RBM17: variants seen among roughly 807,000 people sequenced by gnomAD.
RBM17 encodes the protein splicing factor 45.
In RBM17, 7 loss-of-function variants were observed where a neutral mutation model predicts 53.2. That is an observed-to-expected ratio of 0.13 (90% CI 0.07 to 0.25). The LOEUF is 0.25. Ranked by LOEUF, RBM17 falls within the 10% of genes least tolerant of loss-of-function variation. The pLI is 1.00. For missense variants in RBM17, 257 were observed against 496.7 expected, an observed-to-expected ratio of 0.52 and a Z score of 4.59; for synonymous variants, 167 against 178.1, an observed-to-expected ratio of 0.94 and a Z score of 0.50.
At chr10:6,101,604 C>G (rs373359355) in intron 3 of RBM17, among the ~76,000 whole-genome samples, 1 of 152,154 alleles carries the variant, frequency 6.6e-6, no homozygotes, top group East Asian at 1.9e-4. Context: ...ACTAGAGATA[C>G]GCAGAAAGAA....
rs1259597826 is a variant in RBM17, at chr10:6,116,244, C to CAAGCATAGT, written c.*689_*697dup. 6.6e-6 allele frequency: 1 copy of CAAGCATAGT among 152,292 alleles called. No individual in the cohort carries two copies. Among genetic ancestry groups the CAAGCATAGT allele is most frequent in the African/African-American group, 2.4e-5 (1 of 41,422 alleles). The allele number at this position is 152,292 out of a possible 1,614,324, so 9.4% of individuals were successfully genotyped here. A position where few individuals can be genotyped will look rare whatever the true frequency, so the allele number is the denominator to read the frequency against. On this transcript the variant is annotated 3_prime_UTR_variant, in exon 12 of 12. Coordinates refer to ENST00000379888, the MANE Select transcript of RBM17 (RefSeq NM_032905.5). ...AATCTAGCATTTGTTTTCAGAGATTCAAGCATAGTCTTAAGGGTAGATCAG... is the reference window on the plus strand; with the variant it reads ...AATCTAGCATTTGTTTTCAGAGATTCAAGCATAGTAAGCATAGTCTTAAGGGTAGATCAG...
intron 8 of RBM17, 122 bp from the exon 9 acceptor site, chr10:6,113,386 A>G: frequency 1.5e-6 from 1 of 684,936 alleles, no homozygotes; most frequent in South Asian, 1.9e-5. Context: ...TGCCTAGGAC[A>G]TAAATGGTGG....
chr10:6,093,955 A>C (rs1337850415), intron 1 of RBM17, among the ~76,000 whole-genome samples: 3 of 151,212 alleles, frequency 2.0e-5, no homozygotes, highest in African/African-American at 7.3e-5. Flanking sequence ...CATCACATGA[A>C]GTCAAGTGTG....
intron 6 of RBM17, among the ~76,000 whole-genome samples, chr10:6,109,694 A>G (rs765686519): frequency 1.4e-4 from 22 of 152,268 alleles, no homozygotes; most frequent in Non-Finnish European, 2.5e-4. Flanking sequence ...TCCGGCAAGA[A>G]TATTCATTCA....
chr10:6,105,369 A>C (rs1840734043), intron 4 of RBM17, among the ~76,000 whole-genome samples: 1 of 152,228 alleles, frequency 6.6e-6, no homozygotes, highest in Admixed American at 6.5e-5. Flanking sequence ...ATTTTTTTCT[A>C]TGCTGATACT....
chr10:6,100,523 A>G (rs1368758519), intron 2 of RBM17, among the ~76,000 whole-genome samples: 5 of 152,230 alleles, frequency 3.3e-5, no homozygotes, highest in South Asian at 2.1e-4. Flanking sequence ...TCTAGAACAA[A>G]CAGCATTTTA....
chr10:6,098,359 G>A (rs1164545404), intron 2 of RBM17, among the ~76,000 whole-genome samples: 1 of 152,036 alleles, frequency 6.6e-6, no homozygotes, highest in African/African-American at 2.4e-5. Flanking sequence ...CTTTAGAGAT[G>A]TGTACTGAAA....
intron 11 of RBM17, 46 bp downstream of exon 11, chr10:6,115,357 C>T (rs750976241): frequency 1.3e-6 from 2 of 1,546,754 alleles, no homozygotes; most frequent in East Asian, 2.2e-5. Flanking sequence ...GTTGAATTTA[C>T]AGCCTTAATC....
chr10:6,091,951 G>A (rs759823277), intron 1 of RBM17, among the ~76,000 whole-genome samples: 38 of 152,232 alleles, frequency 2.5e-4, no homozygotes, highest in Non-Finnish European at 4.6e-4. Context: ...ACTCTTCCAT[G>A]TTCTTTTTCC....
intron 1 of RBM17, among the ~76,000 whole-genome samples, chr10:6,096,549 C>T (rs1196774302): frequency 1.3e-5 from 2 of 152,130 alleles, no homozygotes; most frequent in Non-Finnish European, 2.9e-5. Flanking sequence ...TCTACTCCCC[C>T]CTTGATAATT....
chr10:6,112,533 A>T lies in RBM17; in HGVS notation c.856+172A>T, dbSNP rs935495637. 1 of 707,716 alleles carries T rather than the reference A, an allele frequency of 1.4e-6. No individual in the cohort carries two copies. The highest frequency in any genetic ancestry group is 2.6e-5 in the Admixed American group (1 of 39,112). The allele number at this position is 707,716 out of a possible 1,614,324, so 43.8% of individuals were successfully genotyped here. A position where few individuals can be genotyped will look rare whatever the true frequency, so the allele number is the denominator to read the frequency against. ...ACAGGCCGTCCTGTTCATATGATGC[A>T]CTGCCACTTCCGTTTTGTGAAACCA... On this transcript the variant is annotated intron_variant, in intron 8 of 11. Transcript: ENST00000379888. This position sits in a 1 kb window ranked among gnomAD's most constrained non-coding sequence, Gnocchi z 4.4.
rs540741085 is a variant in RBM17, at chr10:6,116,155, G to T, written c.*599G>T. On this transcript the variant is annotated 3_prime_UTR_variant, in exon 12 of 12. Transcript: ENST00000379888. Reference sequence around the variant, plus strand: ...TGGCCTATTGGATGAATCATTTGCCGTAGGCTAAATCAGACTGTAGGGTTT... The same window carrying T: ...TGGCCTATTGGATGAATCATTTGCCTTAGGCTAAATCAGACTGTAGGGTTT... 1 of 152,336 alleles carries T rather than the reference G, an allele frequency of 6.6e-6. No individual in the cohort carries two copies. The highest frequency in any genetic ancestry group is 1.9e-4 in the East Asian group (1 of 5,336). The allele number at this position is 152,336 out of a possible 1,614,324, so 9.4% of individuals were successfully genotyped here.
At chr10:6,110,552 T>C (rs1368513220) in intron 7 of RBM17, among the ~76,000 whole-genome samples, 1 of 152,212 alleles carries the variant, frequency 6.6e-6, no homozygotes, top group African/African-American at 2.4e-5. Flanking sequence ...CTCGGGGTCA[T>C]TCTAACTACA....
intron 6 of RBM17, among the ~76,000 whole-genome samples, chr10:6,109,763 A>G (rs1840809898): frequency 6.6e-6 from 1 of 152,234 alleles, no homozygotes; most frequent in Admixed American, 6.5e-5. Context: ...GTTTGAGGAG[A>G]TAGAAATAGC....
chr10:6,111,216 T>C (rs1359367959), intron 7 of RBM17, among the ~76,000 whole-genome samples: 1 of 152,210 alleles, frequency 6.6e-6, no homozygotes, highest in Admixed American at 6.5e-5. Context: ...GTCATGGGGT[T>C]GGGGTGCCCT....
At position 6,106,242 on chromosome 10, in the gene RBM17, A is replaced by G. The variant is rs780615231; in HGVS notation, c.505+4A>G. 6.3e-7 allele frequency: 1 copy of G among 1,585,482 alleles called. No individual in the cohort carries two copies. Among genetic ancestry groups the G allele is most frequent in the Non-Finnish European group, 8.7e-7 (1 of 1,154,540 alleles). On this transcript the variant is annotated splice_donor_region_variant and intron_variant, in intron 5 of 11. Coordinates refer to ENST00000379888, the MANE Select transcript of RBM17 (RefSeq NM_032905.5). ...GAGCGAGAGAGGAGGAAAAGAAGTA[A>G]GGCATGAACAAATATGTCTTAAACA...
In RBM17 at chr10:6,116,739, G is replaced by A. The variant is rs1840924713; in HGVS notation, c.*1183G>A. 6.6e-6 allele frequency: 1 copy of A among 152,280 alleles called. No homozygotes were observed. The highest frequency in any genetic ancestry group is 2.4e-5 in the African/African-American group (1 of 41,422). The allele number at this position is 152,280 out of a possible 1,614,324, so 9.4% of individuals were successfully genotyped here. A position where few individuals can be genotyped will look rare whatever the true frequency, so the allele number is the denominator to read the frequency against. On this transcript the variant is annotated 3_prime_UTR_variant, in exon 12 of 12. Transcript: ENST00000379888. The stretch of plus-strand genomic sequence containing the variant: ...AACTCAGCATTTCTTTGCATCCATG[G>A]ACTTGGTTTGGAGACATAAGGAATA...
chr10:6,101,816 G>A (rs919717775), intron 3 of RBM17, among the ~76,000 whole-genome samples: 1 of 152,154 alleles, frequency 6.6e-6, no homozygotes, highest in Non-Finnish European at 1.5e-5. Context: ...TTCCTTTAAT[G>A]CTGGATATAT....
At chr10:6,107,652 T>C (rs1231446182) in intron 5 of RBM17, among the ~76,000 whole-genome samples, 2 of 151,746 alleles carry the variant, frequency 1.3e-5, no homozygotes, top group Non-Finnish European at 2.9e-5. Context: ...CAGCTGATTT[T>C]TGCATTTTTA....
Sources: allele counts gnomAD v4.1 joint callset (sites outside exome capture counted in the v4.1 genomes callset), GRCh38; gene constraint gnomAD v4.1.1; non-coding constraint Gnocchi (gnomAD v3.1); transcripts MANE v1.5; gene names NCBI Gene and HGNC (gene_info 2026-07-23, HGNC 2026-07-21).